Variants in PNPLA7 observed in about 807,000 individuals in gnomAD.
PNPLA7 encodes the protein patatin-like phospholipase domain-containing protein 7.
A neutral mutation model predicts 161.7 loss-of-function variants in PNPLA7; 153 were observed. The observed-to-expected ratio is 0.95, with a 90% CI of 0.83 to 1.08. The LOEUF (loss-of-function observed/expected upper bound fraction) is 1.08, where lower values mean the gene tolerates loss of function less well. PNPLA7 is among the 50% of genes least tolerant of loss of function. The pLI is 0.00. For missense variants in PNPLA7, 1,739 were observed against 1,856.6 expected, an observed-to-expected ratio of 0.94 and a Z score of 1.16; for synonymous variants, 809 against 782.1, an observed-to-expected ratio of 1.03 and a Z score of -0.57.
chr9:137,542,007 C>T (rs934498434), intron 7 of PNPLA7, among the ~76,000 whole-genome samples: 3 of 152,132 alleles, frequency 2.0e-5, no homozygotes, highest in Non-Finnish European at 4.4e-5. Context: ...GTCTCTAAGC[C>T]GTGGGCTCAG....
At chr9:137,480,574 C>G in intron 22 of PNPLA7, 94 bp from the exon 23 acceptor site, 1 of 1,375,892 alleles carries the variant, frequency 7.3e-7, no homozygotes, top group Non-Finnish European at 9.8e-7. Flanking sequence ...AGGCCAGCAC[C>G]AGCCGCTGCC....
intron 14 of PNPLA7, among the ~76,000 whole-genome samples, chr9:137,502,216 C>T (rs746139599): frequency 6.6e-6 from 1 of 152,084 alleles, no homozygotes; most frequent in Non-Finnish European, 1.5e-5. Context: ...GGACCCGGAG[C>T]CTGTGGAGAG....
intron 8 of PNPLA7, among the ~76,000 whole-genome samples, chr9:137,528,550 G>A (rs911345404): frequency 1.7e-4 from 26 of 152,084 alleles, no homozygotes; most frequent in Admixed American, 1.4e-3. Context: ...CCAAAGTGCT[G>A]GGATTACAGG....
At chr9:137,519,322 G>GC (rs1460590582) in intron 11 of PNPLA7, among the ~76,000 whole-genome samples, 1 of 152,200 alleles carries the variant, frequency 6.6e-6, no homozygotes, top group Non-Finnish European at 1.5e-5. Flanking sequence ...TCAGATTCAG[G>GC]CCCCCCGGTT....
rs778469178 is a variant in PNPLA7, at chr9:137,475,692, TA to T, written c.2882+2341del. Among the ~76,000 whole-genome samples the T allele has an allele frequency of 8.2e-3, 1,206 of 147,516 alleles. 19 individuals carry two copies. Among genetic ancestry groups the T allele is most frequent in the African/African-American group, 0.027 (1,121 of 40,788 alleles). ...CCTGGCTGAGAACCTGTTTTTTTTT[TA>T]AAAAAAAAGAATCTCCTACGAGGTT... On this transcript the variant is annotated intron_variant, in intron 25 of 34. Coordinates refer to ENST00000406427, the MANE Select transcript of PNPLA7 (RefSeq NM_001098537.3).
intron 14 of PNPLA7, among the ~76,000 whole-genome samples, chr9:137,502,831 G>A (rs1352064710): frequency 1.4e-5 from 2 of 143,176 alleles, no homozygotes; most frequent in African/African-American, 2.6e-5. Flanking sequence ...GCCATTTTAA[G>A]GATTACTGTT....
intron 20 of PNPLA7, chr9:137,491,386 C>A: frequency 1.3e-6 from 1 of 795,836 alleles, no homozygotes; most frequent in Non-Finnish European, 1.5e-6. Context: ...ACAGTCTAAA[C>A]ACACAAAAGA....
chr9:137,498,127 G>A lies in PNPLA7; in HGVS notation c.1876C>T (p.Arg626Ter), dbSNP rs199703362. The A allele has an allele frequency of 1.4e-5, 22 of 1,612,912 alleles. No individual in the cohort carries two copies. Among genetic ancestry groups the A allele is most frequent in the South Asian group, 5.5e-5 (5 of 91,066 alleles). The change falls in exon 17 of 35, where the codon CGA (arginine) becomes TGA (stop). Residue 626 changes from arginine to a stop codon, truncating the protein, a stop_gained. Coordinates refer to ENST00000406427, the MANE Select transcript of PNPLA7 (RefSeq NM_001098537.3). LOFTEE classifies it high-confidence loss of function. The stretch of plus-strand genomic sequence containing the variant: ...CCACGGCCTCACCTGTATATTGCTC[G>A]CCCGGCCTCCACCTCCACCCAGTCC... ...ALDWVEVEAG[R>*]AIYRQGDKSD...
At chr9:137,521,814 C>A in intron 9 of PNPLA7, 98 bp from the exon 10 acceptor site, 1 of 978,440 alleles carries the variant, frequency 1.0e-6, no homozygotes, top group Non-Finnish European at 1.5e-6. Context: ...TGCCCCAAAC[C>A]CTGCAGATGC....
intron 25 of PNPLA7, among the ~76,000 whole-genome samples, chr9:137,474,750 C>T (rs569019622): frequency 2.2e-4 from 34 of 151,730 alleles, no homozygotes; most frequent in Non-Finnish European, 4.9e-4. Context: ...CAGTGGCTCA[C>T]GCCTGTAATC....
At chr9:137,479,492 C>T in intron 23 of PNPLA7, 1 of 1,209,736 alleles carries the variant, frequency 8.3e-7, no homozygotes, top group Non-Finnish European at 1.0e-6. Context: ...GTTTCTCTAA[C>T]ACTGCCTCAT....
chr9:137,489,081 CCAG>C (rs1832644334), intron 20 of PNPLA7, among the ~76,000 whole-genome samples: 1 of 151,742 alleles, frequency 6.6e-6, no homozygotes, highest in Non-Finnish European at 1.5e-5. Context: ...CACCCCCTGA[CCAG>C]CAGACATCCC....
Position 137,547,702 on chromosome 9 carries a change from C to T in PNPLA7, c.31-43G>A. On this transcript the variant is annotated intron_variant, in intron 1 of 34. Coordinates refer to ENST00000406427, the MANE Select transcript of PNPLA7 (RefSeq NM_001098537.3). This position sits in a 1 kb window ranked among gnomAD's most constrained non-coding sequence, Gnocchi z 4.6. Reference sequence around the variant, plus strand: ...GGGTCAGGTGGGCATGGACAGGCTTCCCAGCCCGAACTTGTTCAGAGCAGC... The same window carrying T: ...GGGTCAGGTGGGCATGGACAGGCTTTCCAGCCCGAACTTGTTCAGAGCAGC... The T allele has an allele frequency of 6.3e-7, 1 of 1,589,340 alleles. No homozygotes were observed. Among genetic ancestry groups the T allele is most frequent in the East Asian group, 2.2e-5 (1 of 44,744 alleles).
At position 137,541,842 on chromosome 9, in the gene PNPLA7, C is replaced by T. The variant is rs116539904; in HGVS notation, c.666+800G>A. On this transcript the variant is annotated intron_variant, in intron 7 of 34. Transcript: ENST00000406427. The surrounding 1 kb of genome is among the most constrained non-coding windows in gnomAD (Gnocchi z 4.4). ...TGTCGCCCAGGCTGGAGTGCAGTGG[C>T]GTGAACACAGCTCACTATAGCCGCA... Among the ~76,000 whole-genome samples the T allele has an allele frequency of 0.011, 1,738 of 152,000 alleles. 33 individuals are homozygous for T. Among genetic ancestry groups the T allele is most frequent in the African/African-American group, 0.038 (1,578 of 41,426 alleles).
In PNPLA7 at chr9:137,462,742, C is replaced by T. The variant is rs774310424; in HGVS notation, c.3435G>A (p.Ala1145=). ...TCCACAGCAGCCACCACCCAGACAG[C>T]GCATCCCCATAGTTGGTGAGGTCCG... ...DETDLTNYGD[A]LSGWWLLWKR... The change falls in exon 30 of 35, where the codon GCG becomes GCA. Residue 1145 remains alanine, a synonymous_variant. Transcript: ENST00000406427. 1.7e-5 allele frequency: 27 copies of T among 1,614,020 alleles called. No homozygotes were observed. Among genetic ancestry groups the T allele is most frequent in the Non-Finnish European group, 1.9e-5 (22 of 1,179,998 alleles).
intron 4 of PNPLA7, among the ~76,000 whole-genome samples, chr9:137,544,980 T>C (rs1836417229): frequency 6.6e-6 from 1 of 151,956 alleles, no homozygotes; most frequent in Admixed American, 6.6e-5. Context: ...GAACACGAAT[T>C]AGTTGTACAA....
At chr9:137,505,060 G>A (rs187850039) in intron 14 of PNPLA7, among the ~76,000 whole-genome samples, 1 of 151,796 alleles carries the variant, frequency 6.6e-6, no homozygotes, top group African/African-American at 2.4e-5. Context: ...GTGGTCGTGG[G>A]CGCCTGTATC....
At chr9:137,463,169 T>C (rs775470425) in intron 29 of PNPLA7, 2 of 590,218 alleles carry the variant, frequency 3.4e-6, no homozygotes, top group Non-Finnish European at 6.0e-6. Context: ...TTGTTCTGCA[T>C]GCTGCTGAGC....
intron 1 of PNPLA7, among the ~76,000 whole-genome samples, chr9:137,548,734 C>T (rs147785762): frequency 5.3e-5 from 8 of 152,162 alleles, no homozygotes; most frequent in East Asian, 3.9e-4. Flanking sequence ...GGCGACAGAG[C>T]GAGACTCCAT....
Sources: gnomAD v4.1 joint callset for allele counts (sites outside exome capture counted in the v4.1 genomes callset) on GRCh38, gnomAD v4.1.1 for gene constraint, Gnocchi (gnomAD v3.1) non-coding constraint, MANE v1.5 for transcripts, NCBI Gene and HGNC (gene_info 2026-07-23, HGNC 2026-07-21) for gene names.